Variants in TMEM132C observed in about 807,000 individuals in gnomAD.
TMEM132C encodes protein phosphatase 1, regulatory subunit 152.
A neutral mutation model predicts 61.4 loss-of-function variants in TMEM132C; 29 were observed. The ratio of observed to expected loss-of-function variants is 0.47; its 90% CI spans 0.35 to 0.64. The LOEUF is 0.64. Ranked by LOEUF, TMEM132C falls within the 30% of genes least tolerant of loss-of-function variation. The pLI, the probability that TMEM132C is intolerant of heterozygous loss-of-function variation, is 0.00. For synonymous variants in TMEM132C, 656 were observed against 633.1 expected (o/e 1.04, Z -0.54); for missense variants, 1,408 against 1,476.9 (o/e 0.95, Z 0.76).
At chr12:128,491,125 A>G (rs116510505) in intron 2 of TMEM132C, among the ~76,000 whole-genome samples, 1,754 of 152,312 alleles carry the variant, frequency 0.012, 25 homozygotes, top group African/African-American at 0.04. Flanking sequence ...GTGGCCAAAC[A>G]GAAGGTGACA....
At chr12:128,629,335 T>C (rs1954046374) in intron 4 of TMEM132C, among the ~76,000 whole-genome samples, 2 of 152,064 alleles carry the variant, frequency 1.3e-5, no homozygotes, top group Admixed American at 1.3e-4. Context: ...GGCAATATAG[T>C]GAGACCTTGT....
intron 2 of TMEM132C, among the ~76,000 whole-genome samples, chr12:128,473,550 A>C (rs970311799): frequency 0.032 from 363 of 11,254 alleles, no homozygotes; most frequent in Middle Eastern, 0.14. Flanking sequence ...TCACTCCAGC[A>C]TCCATCTTCA....
intron 3 of TMEM132C, among the ~76,000 whole-genome samples, chr12:128,559,242 A>G (rs1874434034): frequency 6.6e-6 from 1 of 151,910 alleles, no homozygotes; most frequent in Non-Finnish European, 1.5e-5. Context: ...ATCTAACAAT[A>G]TATCTTGTAT....
chr12:128,414,631 T>G lies in TMEM132C; in HGVS notation c.86-101T>G, dbSNP rs1015896173. ...CTAGCCAAGTGGGCTTCAGAATTTC[T>G]ATCCCTCATTTCTAAATGGCTTACA... is the stretch of plus-strand genomic sequence containing the variant. On this transcript the variant is annotated intron_variant, in intron 1 of 8. Transcript: ENST00000435159. 3.9e-6 allele frequency: 5 copies of G among 1,295,222 alleles called. No homozygotes were observed. The African/African-American group carries it at 7.5e-5, about 19-fold the overall frequency. The allele number at this position is 1,295,222 out of a possible 1,614,324, so 80.2% of individuals were successfully genotyped here. A position where few individuals can be genotyped will look rare whatever the true frequency, so the allele number is the denominator to read the frequency against.
intron 1 of TMEM132C, among the ~76,000 whole-genome samples, chr12:128,317,930 A>G (rs966850911): frequency 2.0e-5 from 3 of 152,200 alleles, no homozygotes; most frequent in African/African-American, 7.2e-5. Context: ...AATTGTAAAG[A>G]TCTCAGAAAC....
intron 8 of TMEM132C, among the ~76,000 whole-genome samples, chr12:128,703,152 A>G (rs575400553): frequency 6.6e-6 from 1 of 151,906 alleles, no homozygotes; most frequent in African/African-American, 2.4e-5. Flanking sequence ...TATTTTTTTA[A>G]CTTTTATTTT....
chr12:128,276,412 G>A (rs1870690342), intron 1 of TMEM132C, among the ~76,000 whole-genome samples: 1 of 152,196 alleles, frequency 6.6e-6, no homozygotes, highest in African/African-American at 2.4e-5. Context: ...TGAGGTGTTT[G>A]TTTATTGTAG....
chr12:128,591,873 G>A (rs2135566884), intron 3 of TMEM132C, among the ~76,000 whole-genome samples: 1 of 152,022 alleles, frequency 6.6e-6, no homozygotes, highest in East Asian at 1.9e-4. Flanking sequence ...CCAATGTGAT[G>A]AAACCCCATC....
At chr12:128,364,923 A>G (rs919556492) in intron 1 of TMEM132C, among the ~76,000 whole-genome samples, 1 of 152,192 alleles carries the variant, frequency 6.6e-6, no homozygotes, top group Non-Finnish European at 1.5e-5. Flanking sequence ...CTCAGCTACA[A>G]CCCAGGTTTG....
chr12:128,327,827 G>A (rs1872572598), intron 1 of TMEM132C, among the ~76,000 whole-genome samples: 1 of 152,144 alleles, frequency 6.6e-6, no homozygotes, highest in Non-Finnish European at 1.5e-5. Context: ...TGTTCTGACT[G>A]ATCATTGGTT....
At chr12:128,343,011 G>A (rs1380813622) in intron 1 of TMEM132C, among the ~76,000 whole-genome samples, 3 of 152,190 alleles carry the variant, frequency 2.0e-5, no homozygotes, top group Non-Finnish European at 4.4e-5. Flanking sequence ...TGTCCCCAGG[G>A]AGATGTAGCA....
In TMEM132C at chr12:128,305,277, G is replaced by A. The variant is rs890188113; in HGVS notation, c.85+37790G>A. On this transcript the variant is annotated intron_variant, in intron 1 of 8. Transcript: ENST00000435159. ...AAATTAGGCATGGTGGCTAGACCCC[G>A]ACTTTAAACAGAAAGGATTGCATGT... Among the ~76,000 whole-genome samples, 41 of 152,002 alleles carry A rather than the reference G, an allele frequency of 2.7e-4. 1 individual carries two copies. Among genetic ancestry groups the A allele is most frequent in the East Asian group, 1.9e-4 (1 of 5,190 alleles).
At chr12:128,593,487 C>G (rs1445840764) in intron 3 of TMEM132C, among the ~76,000 whole-genome samples, 1 of 152,246 alleles carries the variant, frequency 6.6e-6, no homozygotes, top group Admixed American at 6.5e-5. Flanking sequence ...TGGAGACACT[C>G]ACACAGCCAA....
chr12:128,574,287 C>T (rs1467677298), intron 3 of TMEM132C, among the ~76,000 whole-genome samples: 1 of 152,220 alleles, frequency 6.6e-6, no homozygotes, highest in Non-Finnish European at 1.5e-5. Context: ...CATTCCAATG[C>T]TAATATTTGG....
chr12:128,539,272 A>G (rs1323308126), intron 2 of TMEM132C, among the ~76,000 whole-genome samples: 1 of 152,194 alleles, frequency 6.6e-6, no homozygotes, highest in African/African-American at 2.4e-5. Context: ...GATGGAACAC[A>G]TGCTCAAGTA....
chr12:128,453,106 G>C (rs1019972182), intron 2 of TMEM132C, among the ~76,000 whole-genome samples: 4 of 152,168 alleles, frequency 2.6e-5, no homozygotes, highest in African/African-American at 9.7e-5. Context: ...AGACCGTGTT[G>C]ATTCTTTAGT....
intron 2 of TMEM132C, among the ~76,000 whole-genome samples, chr12:128,465,109 G>C (rs1870684868): frequency 6.6e-6 from 1 of 152,104 alleles, no homozygotes; most frequent in Non-Finnish European, 1.5e-5. Context: ...TCAGAGTTCT[G>C]TGTCTTCTGT....
intron 1 of TMEM132C, among the ~76,000 whole-genome samples, chr12:128,413,286 G>A (rs1023848322): frequency 6.0e-5 from 6 of 99,978 alleles, no homozygotes; most frequent in Middle Eastern, 0.014. Flanking sequence ...GCGACAGAGC[G>A]AGACTCTGTC....
At chr12:128,586,364 C>A (rs934239399) in intron 3 of TMEM132C, among the ~76,000 whole-genome samples, 1 of 150,098 alleles carries the variant, frequency 6.7e-6, no homozygotes, top group Non-Finnish European at 1.5e-5. Context: ...GTATAGGCAT[C>A]TATTAATATA....
Sources: gnomAD v4.1 joint callset for allele counts (sites outside exome capture counted in the v4.1 genomes callset) on GRCh38, gnomAD v4.1.1 for gene constraint, MANE v1.5 for transcripts, NCBI Gene and HGNC (gene_info 2026-07-23, HGNC 2026-07-21) for gene names.